ULK4: variants seen among roughly 807,000 people sequenced by gnomAD.
ULK4 encodes inactive serine/threonine-protein kinase ULK4.
Under a neutral mutation model 160.6 loss-of-function variants are expected in ULK4, and 133 were observed. The ratio of observed to expected loss-of-function variants is 0.83; its 90% confidence interval spans 0.72 to 0.96. The LOEUF (loss-of-function observed/expected upper bound fraction) is 0.96, where lower values mean the gene tolerates loss of function less well. Among genes scored for constraint, ULK4 ranks in the 40% least tolerant of loss-of-function variants. The pLI is 0.00. For synonymous variants in ULK4, 534 were observed against 539.8 expected (o/e 0.99, Z 0.15); for missense variants, 1,580 against 1,499.5 (o/e 1.05, Z -0.89).
At chr3:41,758,257 C>T (rs988975182) in intron 21 of ULK4, among the ~76,000 whole-genome samples, 1 of 152,106 alleles carries the variant, frequency 6.6e-6, no homozygotes, top group South Asian at 2.1e-4. Context: ...ATAAATTACC[C>T]CGTCTAAGGT....
intron 32 of ULK4, among the ~76,000 whole-genome samples, chr3:41,561,085 T>C (rs1194355725): frequency 6.6e-6 from 1 of 152,210 alleles, no homozygotes; most frequent in African/African-American, 2.4e-5. Context: ...GACTGTTGAA[T>C]CTTCTTGAAG....
At chr3:41,560,766 G>C (rs929820953) in intron 32 of ULK4, among the ~76,000 whole-genome samples, 1 of 152,226 alleles carries the variant, frequency 6.6e-6, no homozygotes, top group Non-Finnish European at 1.5e-5. Flanking sequence ...ATTTTGGGCT[G>C]AGACTATGGG....
intron 30 of ULK4, among the ~76,000 whole-genome samples, chr3:41,627,797 A>AG (rs2033588010): frequency 6.6e-6 from 1 of 152,176 alleles, no homozygotes; most frequent in African/African-American, 2.4e-5. Context: ...CACGAAGAAA[A>AG]CCTAGCTAGC....
At chr3:41,672,287 T>C (rs2035568253) in intron 29 of ULK4, among the ~76,000 whole-genome samples, 2 of 152,170 alleles carry the variant, frequency 1.3e-5, no homozygotes, top group African/African-American at 4.8e-5. Flanking sequence ...TGCAGTGCTA[T>C]TCACAATAGC....
intron 35 of ULK4, among the ~76,000 whole-genome samples, chr3:41,269,157 G>A (rs1402818367): frequency 6.6e-6 from 1 of 152,092 alleles, no homozygotes; most frequent in Admixed American, 6.6e-5. Flanking sequence ...AACATATCAG[G>A]ATTCTGGCAA....
chr3:41,710,548 C>T (rs531174423), intron 25 of ULK4, among the ~76,000 whole-genome samples: 36 of 152,204 alleles, frequency 2.4e-4, no homozygotes, highest in African/African-American at 8.4e-4. Flanking sequence ...AATCCCAGCA[C>T]TTTGGGAGGC....
At chr3:41,893,336 T>C (rs1698036925) in intron 16 of ULK4, among the ~76,000 whole-genome samples, 1 of 152,192 alleles carries the variant, frequency 6.6e-6, no homozygotes, top group African/African-American at 2.4e-5. Flanking sequence ...AATTACAGTA[T>C]TACACTATTA....
chr3:41,936,852 T>C (rs1699791957), intron 3 of ULK4, among the ~76,000 whole-genome samples: 1 of 152,194 alleles, frequency 6.6e-6, no homozygotes, highest in Non-Finnish European at 1.5e-5. Context: ...TAGTATTTGA[T>C]AGTACAACAA....
intron 31 of ULK4, among the ~76,000 whole-genome samples, chr3:41,606,868 T>C (rs1394057602): frequency 1.3e-5 from 2 of 152,146 alleles, no homozygotes; most frequent in African/African-American, 4.8e-5. Context: ...TAGTCCCTTG[T>C]TGGATGAATA....
intron 19 of ULK4, among the ~76,000 whole-genome samples, chr3:41,812,401 T>C (rs1451123644): frequency 6.6e-6 from 1 of 151,626 alleles, no homozygotes; most frequent in Non-Finnish European, 1.5e-5. Flanking sequence ...GTATTTAGAG[T>C]GAAAAACTTT....
chr3:41,807,290 T>C (rs1485127135), intron 19 of ULK4, among the ~76,000 whole-genome samples: 1 of 152,164 alleles, frequency 6.6e-6, no homozygotes, highest in African/African-American at 2.4e-5. Flanking sequence ...AGATATATAA[T>C]ACTCTGTTAA....
intron 32 of ULK4, among the ~76,000 whole-genome samples, chr3:41,541,593 C>T (rs11916819): frequency 0.45 from 68,368 of 151,976 alleles, 16,067 homozygotes; most frequent in Middle Eastern, 0.54. Context: ...ATGGGGATAG[C>T]ATTGAATTTA....
chr3:41,320,309 A>G (rs2080222445), intron 35 of ULK4, among the ~76,000 whole-genome samples: 1 of 152,184 alleles, frequency 6.6e-6, no homozygotes, highest in African/African-American at 2.4e-5. Flanking sequence ...TCCTGTGTAA[A>G]CCATGCTCTG....
chr3:41,895,203 A>T lies in ULK4; in HGVS notation c.1577+315T>A, dbSNP rs530005209. The stretch of plus-strand genomic sequence containing the variant: ...GATGGGAGAATCACTTGAGCCCAGG[A>T]GTTCAAAACCAGCCTGTGCAACATA... On this transcript the variant is annotated intron_variant, in intron 16 of 36. Transcript: ENST00000301831. Among the ~76,000 whole-genome samples, 39 of 152,336 alleles carry T rather than the reference A, an allele frequency of 2.6e-4. No individual in the cohort carries two copies. The South Asian group carries it at 8.1e-3, about 32-fold the overall frequency.
chr3:41,773,724 T>C (rs975119708), intron 21 of ULK4, among the ~76,000 whole-genome samples: 3 of 152,098 alleles, frequency 2.0e-5, no homozygotes, highest in South Asian at 2.1e-4. Context: ...AAAACGACTT[T>C]CAAGTTCATA....
At chr3:41,503,174 G>T (rs1248538597) in intron 32 of ULK4, among the ~76,000 whole-genome samples, 1 of 152,174 alleles carries the variant, frequency 6.6e-6, no homozygotes, top group African/African-American at 2.4e-5. Context: ...ATATCTAAAG[G>T]ACTAAGTTAG....
intron 27 of ULK4, among the ~76,000 whole-genome samples, chr3:41,700,788 C>T (rs995352953): frequency 1.3e-5 from 2 of 152,166 alleles, no homozygotes; most frequent in East Asian, 1.9e-4. Context: ...AGAATTACCA[C>T]ATATACTGTA....
intron 32 of ULK4, among the ~76,000 whole-genome samples, chr3:41,547,874 G>T (rs1424845761): frequency 9.9e-5 from 15 of 152,192 alleles, no homozygotes; most frequent in Admixed American, 9.8e-4. Context: ...ATTGCAGTGA[G>T]CCAGGGAGGC....
intron 35 of ULK4, among the ~76,000 whole-genome samples, chr3:41,261,980 A>G (rs57850276): frequency 0.2 from 30,819 of 151,998 alleles, 5,332 homozygotes; most frequent in African/African-American, 0.46. Context: ...TATGAGGAAC[A>G]TCTTCCATGA....
Sources: gnomAD v4.1 joint callset for allele counts (sites outside exome capture counted in the v4.1 genomes callset) on GRCh38, gnomAD v4.1.1 for gene constraint, MANE v1.5 for transcripts, NCBI Gene and HGNC (gene_info 2026-07-23, HGNC 2026-07-21) for gene names.